The following STAC variants were observed in gnomAD, a reference collection of about 807,000 sequenced individuals.
The protein encoded by STAC is SH3 and cysteine rich domain.
A neutral mutation model predicts 48.8 loss-of-function variants in STAC; 43 were observed. That is an observed-to-expected ratio of 0.88 (90% CI 0.69 to 1.14). The LOEUF is 1.14. Among genes scored for constraint, STAC ranks in the 50% most tolerant of loss-of-function variants. The pLI, the probability that STAC is intolerant of heterozygous loss-of-function variation, is 0.00. For synonymous variants in STAC, 193 were observed against 179.5 expected, an observed-to-expected ratio of 1.07 and a Z score of -0.60; for missense variants, 497 against 504.0, an observed-to-expected ratio of 0.99 and a Z score of 0.13.
chr3:36,446,329 T>C (rs1022483794), intron 2 of STAC, among the ~76,000 whole-genome samples: 1 of 152,230 alleles, frequency 6.6e-6, no homozygotes, highest in Non-Finnish European at 1.5e-5. Flanking sequence ...TAGGTGTGTC[T>C]GTCAGCTTCA....
At chr3:36,537,874 A>T (rs1428965036) in intron 10 of STAC, among the ~76,000 whole-genome samples, 5 of 152,062 alleles carry the variant, frequency 3.3e-5, no homozygotes, top group South Asian at 2.1e-4. Flanking sequence ...CTGAAAAAAA[A>T]TTATTTAAAT....
chr3:36,485,127 TC>T, intron 4 of STAC, 69 bp downstream of exon 4: 1 of 1,349,622 alleles, frequency 7.4e-7, no homozygotes, highest in Non-Finnish European at 1.0e-6. Flanking sequence ...GCTACTGTCC[TC>T]CCATGGCTGC....
chr3:36,420,008 G>T (rs1700411793), intron 1 of STAC, among the ~76,000 whole-genome samples: 1 of 152,010 alleles, frequency 6.6e-6, no homozygotes, highest in Non-Finnish European at 1.5e-5. Context: ...ATTATTCTTT[G>T]CCATATGAAC....
intron 8 of STAC, among the ~76,000 whole-genome samples, chr3:36,518,443 A>G (rs1698725806): frequency 6.6e-6 from 1 of 152,190 alleles, no homozygotes; most frequent in South Asian, 2.1e-4. Flanking sequence ...AAAAAAGACT[A>G]TAAGCCAAGA....
At chr3:36,445,206 A>C (rs1301544742) in intron 2 of STAC, among the ~76,000 whole-genome samples, 1 of 152,228 alleles carries the variant, frequency 6.6e-6, no homozygotes, top group African/African-American at 2.4e-5. Context: ...TTCTAGGTAC[A>C]TCTCAAGTAC....
At chr3:36,406,498 C>A (rs1179901651) in intron 1 of STAC, among the ~76,000 whole-genome samples, 1 of 152,208 alleles carries the variant, frequency 6.6e-6, no homozygotes, top group African/African-American at 2.4e-5. Context: ...TGCGAACCTG[C>A]AGCCAACAAT....
chr3:36,503,156 G>A (rs1698318478), intron 6 of STAC, among the ~76,000 whole-genome samples: 1 of 152,078 alleles, frequency 6.6e-6, no homozygotes, highest in South Asian at 2.1e-4. Context: ...GAATAAAGCA[G>A]CAATGTATAA....
chr3:36,386,243 T>C (rs183266971), intron 1 of STAC, among the ~76,000 whole-genome samples: 11 of 152,182 alleles, frequency 7.2e-5, no homozygotes, highest in African/African-American at 2.6e-4. Context: ...TTAGCAGTTT[T>C]TACATGTTTA....
chr3:36,469,457 G>A (rs947557726), intron 2 of STAC, among the ~76,000 whole-genome samples: 1 of 152,180 alleles, frequency 6.6e-6, no homozygotes, highest in Non-Finnish European at 1.5e-5. Flanking sequence ...GAAATCTGCT[G>A]TTAATCTGAT....
chr3:36,380,718 G>A lies in STAC; in HGVS notation c.75G>A (p.Pro25=), dbSNP rs771765564. Residue 25 remains proline (P), a synonymous_variant, in exon 1 of 11, where the codon CCG becomes CCA. Transcript: ENST00000273183. ...LPKEAVGAEQ[P]PSPASTSSQE... The stretch of plus-strand genomic sequence containing the variant: ...AGGAGGCGGTGGGCGCCGAGCAACC[G>A]CCCTCTCCTGCATCCACCAGCAGCC... 2.5e-6 allele frequency: 4 copies of A among 1,611,838 alleles called. No individual in the cohort carries two copies. In the Admixed American group the frequency reaches 6.7e-5, roughly 27 times the overall value.
intron 1 of STAC, among the ~76,000 whole-genome samples, chr3:36,422,094 G>C (rs1226611917): frequency 2.6e-5 from 4 of 151,818 alleles, no homozygotes; most frequent in African/African-American, 7.3e-5. Context: ...ACTGGCACTA[G>C]AGCATTGATT....
chr3:36,422,703 C>T (rs988985583), intron 1 of STAC, among the ~76,000 whole-genome samples: 2 of 152,112 alleles, frequency 1.3e-5, no homozygotes, highest in Non-Finnish European at 2.9e-5. Flanking sequence ...TTTAGCCCCA[C>T]TGATAAGAAA....
chr3:36,438,765 C>T (rs1288113098), intron 1 of STAC, among the ~76,000 whole-genome samples: 1 of 152,092 alleles, frequency 6.6e-6, no homozygotes, highest in Admixed American at 6.5e-5. Flanking sequence ...CACCACACCA[C>T]ATATGACGAA....
At chr3:36,518,746 AT>A (rs1392406650) in intron 8 of STAC, among the ~76,000 whole-genome samples, 5 of 152,164 alleles carry the variant, frequency 3.3e-5, no homozygotes, top group African/African-American at 4.8e-5. Flanking sequence ...TCTTTGGGGT[AT>A]TTTCAAAGCA....
intron 2 of STAC, among the ~76,000 whole-genome samples, chr3:36,451,807 CTCTT>C (rs1458938503): frequency 3.3e-5 from 5 of 152,168 alleles, no homozygotes; most frequent in African/African-American, 1.2e-4. Flanking sequence ...TTTTCTTAAG[CTCTT>C]TGTTTTGTTT....
chr3:36,504,249 G>A (rs145596241), intron 6 of STAC, 144 bp from the exon 7 acceptor site: 23 of 694,128 alleles, frequency 3.3e-5, no homozygotes, highest in African/African-American at 2.5e-4. Context: ...CCACCTGAAC[G>A]CTGGGTCACA....
At chr3:36,499,090 AT>A (rs527340741) in intron 6 of STAC, among the ~76,000 whole-genome samples, 1 of 152,160 alleles carries the variant, frequency 6.6e-6, no homozygotes, top group Non-Finnish European at 1.5e-5. Flanking sequence ...TCAATAATAT[AT>A]TTTTCAGACA....
chr3:36,435,023 C>T (rs533354338), intron 1 of STAC, among the ~76,000 whole-genome samples: 8 of 152,332 alleles, frequency 5.3e-5, no homozygotes, highest in African/African-American at 1.9e-4. Flanking sequence ...ACAGAGAGAT[C>T]TGTATGCAGA....
intron 2 of STAC, among the ~76,000 whole-genome samples, chr3:36,477,650 C>T (rs1697527850): frequency 6.6e-6 from 1 of 152,166 alleles, no homozygotes; most frequent in African/African-American, 2.4e-5. Context: ...ATACCACGCT[C>T]ATAAAAGAGC....
Sources: gnomAD v4.1 joint callset for allele counts (sites outside exome capture counted in the v4.1 genomes callset) on GRCh38, gnomAD v4.1.1 for gene constraint, MANE v1.5 for transcripts, NCBI Gene and HGNC (gene_info 2026-07-23, HGNC 2026-07-21) for gene names.